ANKRD11: variants seen among roughly 807,000 people sequenced by gnomAD.
The protein encoded by ANKRD11 is ankyrin repeat domain 11.
ANKRD11 carries 17 observed loss-of-function variants against 195.7 expected under a neutral mutation model. That is an observed-to-expected ratio of 0.09 (90% CI 0.06 to 0.13). The LOEUF (loss-of-function observed/expected upper bound fraction) is 0.13. ANKRD11 is among the 10% of genes least tolerant of loss of function. The probability of loss-of-function intolerance (pLI) is 1.00; values close to 1 mark genes in which losing one functional copy is unlikely to be tolerated. For missense variants in ANKRD11, 3,735 were observed against 3,566.1 expected (o/e 1.05, Z -1.21); for synonymous variants, 1,953 against 1,528.1 (o/e 1.28, Z -6.49).
intron 11 of ANKRD11, chr16:89,271,340 C>A: frequency 3.5e-6 from 1 of 289,750 alleles, no homozygotes; most frequent in Non-Finnish European, 6.8e-6. Flanking sequence ...AGGGTTCAAG[C>A]GATTCTCCTG....
chr16:89,399,392 G>A (rs933878870), intron 2 of ANKRD11, among the ~76,000 whole-genome samples: 6 of 152,158 alleles, frequency 3.9e-5, no homozygotes, highest in Non-Finnish European at 8.8e-5. Flanking sequence ...GCTGCTGAGT[G>A]AAAGCAGCCC....
intron 2 of ANKRD11, among the ~76,000 whole-genome samples, chr16:89,345,382 C>T (rs1013063287): frequency 5.9e-5 from 9 of 152,062 alleles, no homozygotes; most frequent in Non-Finnish European, 2.9e-5. Flanking sequence ...GCTCTGCCCT[C>T]GTGGGTGGAC....
At chr16:89,453,505 A>G (rs1409359345) in intron 1 of ANKRD11, among the ~76,000 whole-genome samples, 1 of 152,224 alleles carries the variant, frequency 6.6e-6, no homozygotes, top group East Asian at 1.9e-4. Context: ...GTTTCACAGG[A>G]ACACGTCCTG....
In ANKRD11 at chr16:89,449,286, G is replaced by A. The variant is rs1008234812; in HGVS notation, c.-144-30918C>T. Among the ~76,000 whole-genome samples the A allele has an allele frequency of 2.6e-5, 4 of 151,982 alleles. No individual in the cohort carries two copies. In the East Asian group the frequency reaches 7.8e-4, roughly 30 times the overall value. On this transcript the variant is annotated intron_variant, in intron 1 of 12. Coordinates refer to ENST00000301030, the MANE Select transcript of ANKRD11 (RefSeq NM_013275.6). Reference sequence around the variant, plus strand: ...AGGCTGAGGTGGGAGGATCACTCGAGGTGGGGTGGTCGAGGCTACAGTGAG... The same window carrying A: ...AGGCTGAGGTGGGAGGATCACTCGAAGTGGGGTGGTCGAGGCTACAGTGAG...
chr16:89,343,765 C>T (rs1209204169), intron 2 of ANKRD11: 1 of 152,356 alleles, frequency 6.6e-6, no homozygotes, highest in Non-Finnish European at 1.5e-5. Flanking sequence ...TGAGCAGTCA[C>T]CAGTGCAGCC....
Position 89,417,057 on chromosome 16 carries a change from G to A in ANKRD11, c.-60+1227C>T, listed in dbSNP as rs184261707. 3.9e-5 allele frequency among the ~76,000 whole-genome samples: 6 copies of A among 152,240 alleles called. No individual in the cohort carries two copies. The South Asian group carries it at 1.2e-3, about 32-fold the overall frequency. ...AACTACAAACCATCCCACAGATTAA[G>A]AGAAGACAATTCTAGACCTATTTTC... On this transcript the variant is annotated intron_variant, in intron 2 of 12. Coordinates refer to ENST00000301030, the MANE Select transcript of ANKRD11 (RefSeq NM_013275.6).
chr16:89,439,064 A>AG (rs1826623458), intron 1 of ANKRD11, among the ~76,000 whole-genome samples: 1 of 152,090 alleles, frequency 6.6e-6, no homozygotes, highest in African/African-American at 2.4e-5. Flanking sequence ...AAAAAAAAAA[A>AG]AGAACTGTAT....
intron 1 of ANKRD11, among the ~76,000 whole-genome samples, chr16:89,470,793 T>C (rs2057055696): frequency 6.6e-6 from 1 of 151,372 alleles, no homozygotes; most frequent in South Asian, 2.1e-4. Context: ...ATCAAGACTA[T>C]CCTGGCTAAC....
chr16:89,453,978 G>T (rs1017323636), intron 1 of ANKRD11, among the ~76,000 whole-genome samples: 19 of 152,162 alleles, frequency 1.2e-4, no homozygotes, highest in African/African-American at 4.3e-4. Flanking sequence ...CCGCACCTCG[G>T]GAGTTCCCAA....
intron 2 of ANKRD11, among the ~76,000 whole-genome samples, chr16:89,393,743 G>C (rs2041304932): frequency 6.6e-6 from 1 of 152,122 alleles, no homozygotes; most frequent in Non-Finnish European, 1.5e-5. Context: ...AACTATCCCA[G>C]CTGGGCCTAT....
At chr16:89,482,663 T>C (rs1177035910) in intron 1 of ANKRD11, among the ~76,000 whole-genome samples, 6 of 152,216 alleles carry the variant, frequency 3.9e-5, no homozygotes, top group Non-Finnish European at 8.8e-5. Context: ...AGTGGCTCCA[T>C]GCCTGTAATT....
At chr16:89,487,850 C>G (rs562367144) in intron 1 of ANKRD11, among the ~76,000 whole-genome samples, 4 of 152,326 alleles carry the variant, frequency 2.6e-5, no homozygotes, top group African/African-American at 9.6e-5. Context: ...AGCATAGTTT[C>G]CTTCACTCTA....
intron 6 of ANKRD11, 53 bp downstream of exon 6, chr16:89,290,572 G>A (rs1247796477): frequency 5.0e-6 from 8 of 1,590,830 alleles, no homozygotes; most frequent in Non-Finnish European, 6.8e-6. Flanking sequence ...CACTGGGGGA[G>A]GCTCAGGGCT....
intron 2 of ANKRD11, among the ~76,000 whole-genome samples, chr16:89,367,386 AG>A (rs2039994253): frequency 6.6e-6 from 1 of 152,154 alleles, no homozygotes; most frequent in South Asian, 2.1e-4. Flanking sequence ...CACTGGGGAA[AG>A]GCCGGGGATG....
At chr16:89,353,247 C>A (rs2039304900) in intron 2 of ANKRD11, among the ~76,000 whole-genome samples, 1 of 151,588 alleles carries the variant, frequency 6.6e-6, no homozygotes, top group Non-Finnish European at 1.5e-5. Flanking sequence ...GAGGCTGAGG[C>A]AGGAGAATTG....
intron 3 of ANKRD11, among the ~76,000 whole-genome samples, chr16:89,309,014 C>T (rs1428047109): frequency 3.3e-5 from 5 of 152,192 alleles, no homozygotes. Flanking sequence ...GGGCTCAATC[C>T]CTTTCTTCAC....
At chr16:89,393,486 G>C (rs953133996) in intron 2 of ANKRD11, among the ~76,000 whole-genome samples, 6 of 123,260 alleles carry the variant, frequency 4.9e-5, no homozygotes, top group African/African-American at 1.9e-4. Context: ...ACCATATCCA[G>C]CTGCTTTTTT....
chr16:89,481,852 C>A (rs1379231118), intron 1 of ANKRD11, among the ~76,000 whole-genome samples: 1 of 152,080 alleles, frequency 6.6e-6, no homozygotes, highest in Non-Finnish European at 1.5e-5. Context: ...GTCGAAGATG[C>A]CCTTACTCTG....
intron 2 of ANKRD11, among the ~76,000 whole-genome samples, chr16:89,402,637 G>T (rs575027815): frequency 8.0e-5 from 12 of 150,086 alleles, no homozygotes; most frequent in Admixed American, 2.0e-4. Flanking sequence ...AGCTGTGGGT[G>T]GGGGGGGCAG....
Sources: allele counts gnomAD v4.1 joint callset (sites outside exome capture counted in the v4.1 genomes callset), GRCh38; gene constraint gnomAD v4.1.1; transcripts MANE v1.5; gene names NCBI Gene and HGNC (gene_info 2026-07-23, HGNC 2026-07-21).